Variants in GAREM2 observed in about 807,000 individuals in gnomAD.
GAREM2 encodes the protein GRB2-associated and regulator of MAPK protein 2.
In GAREM2, 30 loss-of-function variants were observed where a neutral mutation model predicts 55.6. The ratio of observed to expected loss-of-function variants is 0.54; its 90% CI spans 0.40 to 0.73. GAREM2 has a LOEUF of 0.73. Ranked by LOEUF, GAREM2 falls within the 30% of genes least tolerant of loss-of-function variation. The probability of loss-of-function intolerance (pLI) is 0.00; values close to 1 mark genes in which losing one functional copy is unlikely to be tolerated. For synonymous variants in GAREM2, 550 were observed against 569.1 expected, an observed-to-expected ratio of 0.97 and a Z score of 0.48; for missense variants, 1,075 against 1,257.7, an observed-to-expected ratio of 0.85 and a Z score of 2.20.
chr2:26,176,773 C>A (rs905848046), intron 2 of GAREM2, among the ~76,000 whole-genome samples: 1 of 152,174 alleles, frequency 6.6e-6, no homozygotes, highest in African/African-American at 2.4e-5. Flanking sequence ...TAATCAGAGG[C>A]CTTCAGGGTA....
chr2:26,194,458 G>T, downstream of GAREM2: 1 of 769,946 alleles, frequency 1.3e-6, no homozygotes, highest in South Asian at 1.4e-5. Flanking sequence ...TCCTAGACAA[G>T]AGCAGGAGTT....
At chr2:26,181,913 A>C in intron 2 of GAREM2, 1 of 710,470 alleles carries the variant, frequency 1.4e-6, no homozygotes, top group East Asian at 1.3e-4. Flanking sequence ...CAGAAGGTTG[A>C]AGCTGCAGTG....
intron 2 of GAREM2, chr2:26,182,636 T>C: frequency 1.2e-6 from 1 of 858,624 alleles, no homozygotes; most frequent in Non-Finnish European, 1.9e-6. Flanking sequence ...TGATAGTTGA[T>C]CAGAGGCCAG....
In GAREM2 at chr2:26,185,292, GGGGGCCGAGTCCC is replaced by G; in HGVS notation, c.1428+20_1428+32del. ...ATCCGAGGCGGTGAGTGAGCGCGCT[GGGGGCCGAGTCCC>G]GGGTCCAGCCAGGGCCCAAAGCCCG... On this transcript the variant is annotated intron_variant, in intron 4 of 5. Coordinates refer to ENST00000401533, the MANE Select transcript of GAREM2 (RefSeq NM_001168241.2). 6.7e-7 allele frequency: 1 copy of G among 1,495,136 alleles called. No homozygotes were observed. Among genetic ancestry groups the G allele is most frequent in the East Asian group, 2.8e-5 (1 of 36,154 alleles). 92.6% of individuals were successfully genotyped at this position (1,495,136 alleles called of 1,614,324 possible).
At chr2:26,193,679 C>T (rs561523435), downstream of GAREM2, 2 of 1,614,076 alleles carry the variant, frequency 1.2e-6, no homozygotes, top group South Asian at 1.1e-5. Flanking sequence ...TGTTTCGCTA[C>T]ATCCACACCA....
chr2:26,185,213 C>T lies in GAREM2; in HGVS notation c.1365C>T (p.Ala455=). Residue 455 remains alanine (A), a synonymous_variant, in exon 4 of 6, where the codon GCC becomes GCT. Coordinates refer to ENST00000401533, the MANE Select transcript of GAREM2 (RefSeq NM_001168241.2). The part of the protein sequence containing the change: ...PPGLDLISFG[A]AGPPRREPEA... ...GGCTCGATCTCATCTCCTTCGGGGC[C>T]GCGGGACCGCCGCGTCGGGAGCCGG... 1 of 1,521,784 alleles carries T rather than the reference C, an allele frequency of 6.6e-7. No homozygotes were observed. Among genetic ancestry groups the T allele is most frequent in the Non-Finnish European group, 8.8e-7 (1 of 1,141,580 alleles). 94.3% of individuals were successfully genotyped at this position (1,521,784 alleles called of 1,614,324 possible). A position where few individuals can be genotyped will look rare whatever the true frequency, so the allele number is the denominator to read the frequency against.
At chr2:26,192,129 A>G (rs116515349), downstream of GAREM2, among the ~76,000 whole-genome samples, 794 of 152,132 alleles carry the variant, frequency 5.2e-3, 6 homozygotes, top group African/African-American at 0.018. Context: ...CTGTTCAGGT[A>G]TGGTGGTCAC....
chr2:26,199,790 A>G, the GAREM2 span, among the ~76,000 whole-genome samples: 1 of 152,138 alleles, frequency 6.6e-6, no homozygotes, highest in Non-Finnish European at 1.5e-5. Context: ...TTCTCTTGGA[A>G]GCCTGCAGCC....
At chr2:26,192,358 T>A, downstream of GAREM2, 1 of 1,611,176 alleles carries the variant, frequency 6.2e-7, no homozygotes, top group South Asian at 1.1e-5. Flanking sequence ...ACTATCCATG[T>A]CAGAATTCAA....
chr2:26,189,120 A>G lies in GAREM2; in HGVS notation c.*863A>G, dbSNP rs536258179. 4 of 152,270 alleles carry G rather than the reference A, an allele frequency of 2.6e-5. No homozygotes were observed. Among genetic ancestry groups the G allele is most frequent in the East Asian group, 1.9e-4 (1 of 5,180 alleles). 9.4% of individuals were successfully genotyped at this position (152,270 alleles called of 1,614,324 possible). ...TGATTCTAGAAGCAAGCGGTAGTCAACCACCTCCAATTCCGCCAATCTCTT... is the reference window on the plus strand; with the variant it reads ...TGATTCTAGAAGCAAGCGGTAGTCAGCCACCTCCAATTCCGCCAATCTCTT... On this transcript the variant is annotated 3_prime_UTR_variant, in exon 6 of 6. Transcript: ENST00000401533.
chr2:26,203,408 T>C, the GAREM2 span, among the ~76,000 whole-genome samples: 1 of 152,122 alleles, frequency 6.6e-6, no homozygotes, highest in Admixed American at 6.5e-5. Flanking sequence ...CCTTCCCCTC[T>C]GCAAAACAGG....
rs763541939 is a variant in GAREM2, at chr2:26,187,472, C to T, written c.1840C>T (p.Leu614=). Residue 614 remains leucine, a synonymous_variant, in exon 6 of 6, where the codon CTA becomes TTA. Coordinates refer to ENST00000401533, the MANE Select transcript of GAREM2 (RefSeq NM_001168241.2). ...TAAGACCTACCACAGCTGCCCTCCT[C>T]TATTCAAGCCCTCACATCCCCAGAA... ...PVKTYHSCPP[L]FKPSHPQKRF... 3 of 1,547,886 alleles carry T rather than the reference C, an allele frequency of 1.9e-6. No individual in the cohort carries two copies. The highest frequency in any genetic ancestry group is 1.7e-6 in the Non-Finnish European group (2 of 1,145,356).
At chr2:26,176,232 A>C in intron 1 of GAREM2, 112 bp from the exon 2 acceptor site, 1 of 1,033,232 alleles carries the variant, frequency 9.7e-7, no homozygotes, top group Non-Finnish European at 1.3e-6. Context: ...GATTGTGTGG[A>C]GCTGTCCCTC....
chr2:26,182,959 C>G lies in GAREM2; in HGVS notation c.254-8C>G. 1 of 1,551,462 alleles carries G rather than the reference C, an allele frequency of 6.4e-7. No individual in the cohort carries two copies. Among genetic ancestry groups the G allele is most frequent in the Non-Finnish European group, 8.7e-7 (1 of 1,146,796 alleles). ...CCACTCCAGCAACTTTTGTCACCCA[C>G]TATGCAGGGAAGTTCAAGCTCCTGG... On this transcript the variant is annotated splice_polypyrimidine_tract_variant and splice_region_variant and intron_variant, in intron 2 of 5. Coordinates refer to ENST00000401533, the MANE Select transcript of GAREM2 (RefSeq NM_001168241.2).
At chr2:26,177,600 T>G (rs899405854) in intron 2 of GAREM2, among the ~76,000 whole-genome samples, 42 of 152,226 alleles carry the variant, frequency 2.8e-4, no homozygotes, top group African/African-American at 9.6e-4. Flanking sequence ...TGCCTCAGTC[T>G]CCCAGAGTGC....
chr2:26,195,724 T>C, the GAREM2 span, among the ~76,000 whole-genome samples: 1 of 152,168 alleles, frequency 6.6e-6, no homozygotes, highest in Non-Finnish European at 1.5e-5. Flanking sequence ...CAGATGCACT[T>C]AAGACTCATT....
the GAREM2 span, among the ~76,000 whole-genome samples, chr2:26,200,965 C>T: frequency 2.0e-5 from 3 of 152,146 alleles, no homozygotes; most frequent in African/African-American, 7.2e-5. Context: ...AACTCCTTAC[C>T]TCGTGATCCG....
chr2:26,177,690 G>A (rs1342871247), intron 2 of GAREM2, among the ~76,000 whole-genome samples: 1 of 152,042 alleles, frequency 6.6e-6, no homozygotes, highest in African/African-American at 2.4e-5. Context: ...GGCTGGAGAG[G>A]AGAGGCGCCA....
At chr2:26,195,338 T>C in the GAREM2 span, 3 of 964,142 alleles carry the variant, frequency 3.1e-6, no homozygotes, top group Non-Finnish European at 3.4e-6. Context: ...GGCTGTGATA[T>C]AGGAATACTG....
Sources: allele counts gnomAD v4.1 joint callset (sites outside exome capture counted in the v4.1 genomes callset), GRCh38; gene constraint gnomAD v4.1.1; transcripts MANE v1.5; gene names NCBI Gene and HGNC (gene_info 2026-07-23, HGNC 2026-07-21).